Variants in LRP1B observed in about 807,000 individuals in gnomAD.
LRP1B encodes LDL receptor related protein 1B, also known as low-density lipoprotein receptor-related protein 1B.
A neutral mutation model predicts 556.6 loss-of-function variants in LRP1B; 217 were observed. The ratio of observed to expected loss-of-function variants is 0.39; its 90% CI spans 0.35 to 0.44. The LOEUF (loss-of-function observed/expected upper bound fraction) is 0.44. Ranked by LOEUF, LRP1B falls within the 20% of genes least tolerant of loss-of-function variation. The pLI, the probability that LRP1B is intolerant of heterozygous loss-of-function variation, is 1.00. For missense variants in LRP1B, 5,053 were observed against 5,620.8 expected, an observed-to-expected ratio of 0.90 and a Z score of 3.23; for synonymous variants, 2,047 against 1,865.8, an observed-to-expected ratio of 1.10 and a Z score of -2.50.
chr2:140,818,499 T>C (rs1023872282), intron 31 of LRP1B, among the ~76,000 whole-genome samples: 2 of 152,198 alleles, frequency 1.3e-5, no homozygotes, highest in African/African-American at 4.8e-5. Flanking sequence ...ACTATTCCTA[T>C]TCCTGGGGCA....
chr2:141,813,900 T>C (rs1210759894), intron 1 of LRP1B, among the ~76,000 whole-genome samples: 1 of 152,020 alleles, frequency 6.6e-6, no homozygotes, highest in Non-Finnish European at 1.5e-5. Context: ...TTGCCGGCTG[T>C]GGGGCTAGGT....
chr2:140,918,148 A>G (rs1223223047), intron 21 of LRP1B, among the ~76,000 whole-genome samples: 1 of 151,684 alleles, frequency 6.6e-6, no homozygotes, highest in Non-Finnish European at 1.5e-5. Context: ...TAGTTTCCAA[A>G]TACATTTTTA....
intron 6 of LRP1B, among the ~76,000 whole-genome samples, chr2:141,221,304 A>AC (rs1333114092): frequency 2.2e-4 from 33 of 151,386 alleles, no homozygotes; most frequent in African/African-American, 7.5e-4. Context: ...AAAAAAAAAA[A>AC]AAAACCAAAG....
intron 1 of LRP1B, among the ~76,000 whole-genome samples, chr2:142,027,362 C>A (rs1703543719): frequency 6.6e-6 from 1 of 151,184 alleles, no homozygotes; most frequent in Non-Finnish European, 1.5e-5. Context: ...CAAAGCCCAG[C>A]ATTTCTAATT....
At chr2:141,961,523 T>C (rs577627111) in intron 1 of LRP1B, among the ~76,000 whole-genome samples, 1 of 151,834 alleles carries the variant, frequency 6.6e-6, no homozygotes, top group African/African-American at 2.4e-5. Flanking sequence ...TCTGGGTCAA[T>C]AGCTCAACAG....
intron 77 of LRP1B, among the ~76,000 whole-genome samples, chr2:140,337,338 G>A (rs1375280355): frequency 6.6e-6 from 1 of 151,606 alleles, no homozygotes; most frequent in Non-Finnish European, 1.5e-5. Context: ...TGATATCTCA[G>A]TTACCTGAAT....
At chr2:141,676,137 T>C (rs1690866968) in intron 2 of LRP1B, among the ~76,000 whole-genome samples, 1 of 152,088 alleles carries the variant, frequency 6.6e-6, no homozygotes, top group Non-Finnish European at 1.5e-5. Flanking sequence ...TATCTTTTCT[T>C]CTTTGACACA....
intron 1 of LRP1B, among the ~76,000 whole-genome samples, chr2:142,069,416 T>G (rs1235511586): frequency 6.6e-6 from 1 of 151,548 alleles, no homozygotes; most frequent in African/African-American, 2.4e-5. Context: ...CTCTGCCTTA[T>G]ACAGGAAGAC....
At chr2:141,910,527 G>T (rs139130586) in intron 1 of LRP1B, among the ~76,000 whole-genome samples, 3 of 151,964 alleles carry the variant, frequency 2.0e-5, no homozygotes, top group African/African-American at 7.2e-5. Flanking sequence ...GATGCATTTT[G>T]GTAAGATATG....
chr2:140,967,364 G>A (rs923465980), intron 18 of LRP1B, among the ~76,000 whole-genome samples: 2 of 151,138 alleles, frequency 1.3e-5, no homozygotes, highest in East Asian at 1.9e-4. Flanking sequence ...GTATAAGAAT[G>A]CTTGTGATTT....
chr2:141,729,105 T>C (rs1169831557), intron 2 of LRP1B, among the ~76,000 whole-genome samples: 1 of 152,156 alleles, frequency 6.6e-6, no homozygotes, highest in East Asian at 1.9e-4. Context: ...TTCAGGCAGA[T>C]GCTTAACAAG....
chr2:141,208,786 G>A (rs181308570), intron 6 of LRP1B, among the ~76,000 whole-genome samples: 41 of 148,400 alleles, frequency 2.8e-4, no homozygotes, highest in Middle Eastern at 3.5e-3. Context: ...GGAGCATGGC[G>A]TGAACCTGGG....
intron 3 of LRP1B, among the ~76,000 whole-genome samples, chr2:141,317,117 G>C (rs867627597): frequency 6.6e-6 from 1 of 152,156 alleles, no homozygotes. Flanking sequence ...ATTGAATGAG[G>C]TTGCCACACT....
intron 2 of LRP1B, among the ~76,000 whole-genome samples, chr2:141,759,277 G>T (rs1312149076): frequency 6.6e-6 from 1 of 152,104 alleles, no homozygotes; most frequent in African/African-American, 2.4e-5. Flanking sequence ...CTCATTTGCA[G>T]AATGATAGAA....
rs556994453 is a variant in LRP1B at position 140,751,156 on chromosome 2, C to T, written c.5758+18057G>A. 5.9e-5 allele frequency among the ~76,000 whole-genome samples: 9 copies of T among 152,116 alleles called. No individual in the cohort carries two copies. The East Asian group carries it at 1.6e-3, about 26-fold the overall frequency. On this transcript the variant is annotated intron_variant, in intron 35 of 90. Transcript: ENST00000389484. ...TACAGGCGCCTGCCATCATGCCTGG[C>T]TAATTTTTGTATCTTTAGTAGAGAC...
At chr2:141,135,232 T>C (rs893487873) in intron 7 of LRP1B, among the ~76,000 whole-genome samples, 2 of 151,906 alleles carry the variant, frequency 1.3e-5, no homozygotes, top group Admixed American at 6.6e-5. Flanking sequence ...TTTTAAAAAA[T>C]GTAATGGAAA....
chr2:140,693,972 T>A (rs1340195546), intron 41 of LRP1B, among the ~76,000 whole-genome samples: 1 of 152,104 alleles, frequency 6.6e-6, no homozygotes, highest in Non-Finnish European at 1.5e-5. Context: ...CTCCCCAGAG[T>A]GCCGGGATTA....
chr2:140,691,386 A>G (rs896565703), intron 41 of LRP1B, among the ~76,000 whole-genome samples: 4 of 151,390 alleles, frequency 2.6e-5, no homozygotes, highest in Admixed American at 2.0e-4. Flanking sequence ...CAGGAGAATC[A>G]CTTGAACCTG....
In LRP1B at chr2:141,017,842, C is replaced by T. The variant is rs144846918; in HGVS notation, c.1971-1927G>A. Among the ~76,000 whole-genome samples, 257 of 151,502 alleles carry T rather than the reference C, an allele frequency of 1.7e-3. 1 individual carries two copies. The highest frequency in any genetic ancestry group is 6.0e-3 in the African/African-American group (250 of 41,358). ...AAACCCCATCTCTACAAAAAAAATA[C>T]AAAAAGTAGCCAGGCACGGTGGCCT... On this transcript the variant is annotated intron_variant, in intron 12 of 90. Transcript: ENST00000389484.
Sources: gnomAD v4.1 joint callset for allele counts (sites outside exome capture counted in the v4.1 genomes callset) on GRCh38, gnomAD v4.1.1 for gene constraint, MANE v1.5 for transcripts, NCBI Gene and HGNC (gene_info 2026-07-23, HGNC 2026-07-21) for gene names.